Variants in LRMDA observed in about 807,000 individuals in gnomAD.
The protein encoded by LRMDA is leucine rich melanocyte differentiation associated, also known as leucine-rich melanocyte differentiation-associated protein.
Under a neutral mutation model 29.8 loss-of-function variants are expected in LRMDA, and 18 were observed. The observed-to-expected ratio is 0.60, with a 90% confidence interval of 0.42 to 0.90. The LOEUF is 0.90. LRMDA is among the 40% of genes least tolerant of loss of function. The pLI is 0.00. For missense variants in LRMDA, 273 were observed against 273.9 expected (o/e 1.00, Z 0.02); for synonymous variants, 125 against 109.4 (o/e 1.14, Z -0.89).
rs553665429 is a variant in LRMDA, at chr10:75,435,303, A to G, written c.31-3091A>G. 2.0e-5 allele frequency among the ~76,000 whole-genome samples: 3 copies of G among 152,296 alleles called. No individual in the cohort carries two copies. In the South Asian group the frequency reaches 6.2e-4, roughly 32 times the overall value. On this transcript the variant is annotated intron_variant, in intron 1 of 6. Transcript: ENST00000611255. ...TTTGGCTCTTCTGGCCTTGAATCTT[A>G]CATTAGGTGGTCCTGTGCTCTAAGA...
At chr10:75,771,121 G>C (rs1235822570) in intron 2 of LRMDA, among the ~76,000 whole-genome samples, 1 of 152,110 alleles carries the variant, frequency 6.6e-6, no homozygotes, top group East Asian at 1.9e-4. Context: ...GCTCTTCCCT[G>C]CCTAGCTCTG....
intron 2 of LRMDA, among the ~76,000 whole-genome samples, chr10:75,754,350 G>T (rs918332307): frequency 1.3e-5 from 2 of 152,164 alleles, no homozygotes; most frequent in Non-Finnish European, 2.9e-5. Flanking sequence ...TCTATGAAGA[G>T]TTCATGTTCT....
At chr10:75,576,169 C>G (rs1564804930) in intron 2 of LRMDA, among the ~76,000 whole-genome samples, 1 of 152,312 alleles carries the variant, frequency 6.6e-6, no homozygotes, top group East Asian at 1.9e-4. Flanking sequence ...CTGGGACACT[C>G]AAGCTTAGTG....
intron 5 of LRMDA, among the ~76,000 whole-genome samples, chr10:76,122,003 C>G (rs531396001): frequency 2.1e-4 from 32 of 152,126 alleles, no homozygotes; most frequent in African/African-American, 7.0e-4. Context: ...GTAAGAGAGA[C>G]AGATAATAAG....
At chr10:75,890,153 A>G (rs1845459833) in intron 2 of LRMDA, among the ~76,000 whole-genome samples, 1 of 152,182 alleles carries the variant, frequency 6.6e-6, no homozygotes, top group Admixed American at 6.5e-5. Context: ...TTGCAAAAGG[A>G]GAGGGCCCCA....
At chr10:75,747,833 TCTACA>T (rs1380047655) in intron 2 of LRMDA, among the ~76,000 whole-genome samples, 1 of 152,184 alleles carries the variant, frequency 6.6e-6, no homozygotes, top group Non-Finnish European at 1.5e-5. Context: ...TGTCCCCTCT[TCTACA>T]CTAGATTGCT....
At chr10:75,573,904 T>A (rs1840468441) in intron 2 of LRMDA, among the ~76,000 whole-genome samples, 1 of 152,188 alleles carries the variant, frequency 6.6e-6, no homozygotes, top group Non-Finnish European at 1.5e-5. Context: ...TTTTATGCAA[T>A]TTTTCAGCTT....
intron 5 of LRMDA, among the ~76,000 whole-genome samples, chr10:76,067,814 G>A (rs946180540): frequency 6.6e-6 from 1 of 152,194 alleles, no homozygotes; most frequent in Non-Finnish European, 1.5e-5. Context: ...TGATGGCCTC[G>A]GCATCCCCTC....
At chr10:76,288,082 T>C (rs1315200411) in intron 5 of LRMDA, among the ~76,000 whole-genome samples, 1 of 152,180 alleles carries the variant, frequency 6.6e-6, no homozygotes, top group Admixed American at 6.5e-5. Context: ...CTAGGCAGCA[T>C]CTTAATCTAA....
intron 3 of LRMDA, among the ~76,000 whole-genome samples, chr10:76,038,840 A>G (rs1848295682): frequency 6.6e-6 from 1 of 152,222 alleles, no homozygotes; most frequent in South Asian, 2.1e-4. Flanking sequence ...TTAAAACAAC[A>G]AATATTTACA....
At chr10:76,494,836 T>C (rs1285780647) in intron 6 of LRMDA, among the ~76,000 whole-genome samples, 1 of 151,918 alleles carries the variant, frequency 6.6e-6, no homozygotes, top group Non-Finnish European at 1.5e-5. Flanking sequence ...TCTCTAAGTA[T>C]TTTGGACTCA....
chr10:76,020,469 A>G (rs577512336), intron 2 of LRMDA, among the ~76,000 whole-genome samples: 1 of 152,352 alleles, frequency 6.6e-6, no homozygotes, highest in African/African-American at 2.4e-5. Context: ...TGGTTTGCCA[A>G]GCACTTTCCC....
chr10:76,431,189 A>G (rs1429749119), intron 6 of LRMDA, among the ~76,000 whole-genome samples: 8 of 152,202 alleles, frequency 5.3e-5, no homozygotes, highest in African/African-American at 1.4e-4. Context: ...TATTTTCTGA[A>G]TGCTTTAAGT....
chr10:75,511,881 GTCC>G (rs1242126610), intron 2 of LRMDA, among the ~76,000 whole-genome samples: 1 of 152,168 alleles, frequency 6.6e-6, no homozygotes, highest in Non-Finnish European at 1.5e-5. Flanking sequence ...GTTAAATCCT[GTCC>G]TCCTCCTCTT....
At chr10:75,842,359 CT>C (rs1197434456) in intron 2 of LRMDA, among the ~76,000 whole-genome samples, 1 of 151,946 alleles carries the variant, frequency 6.6e-6, no homozygotes, top group Non-Finnish European at 1.5e-5. Context: ...ATTTTTTTCT[CT>C]TGTTAGTTTC....
intron 2 of LRMDA, among the ~76,000 whole-genome samples, chr10:75,744,997 G>A (rs1232011189): frequency 6.6e-6 from 1 of 152,134 alleles, no homozygotes; most frequent in African/African-American, 2.4e-5. Flanking sequence ...TGACCACACT[G>A]TGCACGTCCC....
intron 6 of LRMDA, chr10:76,346,585 A>G (rs961831328): frequency 6.6e-6 from 1 of 152,206 alleles, no homozygotes; most frequent in Non-Finnish European, 1.5e-5. Flanking sequence ...CTTATAATCT[A>G]CTGAGAATGG....
intron 6 of LRMDA, among the ~76,000 whole-genome samples, chr10:76,381,245 A>G (rs569786473): frequency 3.4e-4 from 52 of 152,172 alleles, no homozygotes; most frequent in Non-Finnish European, 4.7e-4. Context: ...TGGAGCCAGT[A>G]ATTCTCAAAA....
chr10:75,509,315 C>T (rs1277897983), intron 2 of LRMDA, among the ~76,000 whole-genome samples: 1 of 152,096 alleles, frequency 6.6e-6, no homozygotes, highest in Non-Finnish European at 1.5e-5. Context: ...GCAATTTTAC[C>T]AGGAGGAAAA....
Sources: allele counts gnomAD v4.1 joint callset (sites outside exome capture counted in the v4.1 genomes callset), GRCh38; gene constraint gnomAD v4.1.1; transcripts MANE v1.5; gene names NCBI Gene and HGNC (gene_info 2026-07-23, HGNC 2026-07-21).